ZNF407: variants seen among roughly 807,000 people sequenced by gnomAD.
ZNF407 encodes zinc finger protein 407.
In ZNF407, 17 loss-of-function variants were observed where a neutral mutation model predicts 131.2. The ratio of observed to expected loss-of-function variants is 0.13; its 90% CI spans 0.09 to 0.19. ZNF407 has a LOEUF of 0.19. Ranked by LOEUF, ZNF407 falls within the 10% of genes least tolerant of loss-of-function variation. The probability of loss-of-function intolerance (pLI) is 1.00; values close to 1 mark genes in which losing one functional copy is unlikely to be tolerated. For synonymous variants in ZNF407, 1,156 were observed against 1,062.0 expected (o/e 1.09, Z -1.72); for missense variants, 2,681 against 2,830.6 (o/e 0.95, Z 1.20).
chr18:74,734,637 T>A (rs994796513), intron 3 of ZNF407, among the ~76,000 whole-genome samples: 5 of 152,042 alleles, frequency 3.3e-5, no homozygotes, highest in African/African-American at 1.2e-4. Context: ...GTTTTCTGCC[T>A]ATTTTTTAAA....
intron 3 of ZNF407, among the ~76,000 whole-genome samples, chr18:74,651,140 C>T (rs1985208817): frequency 6.6e-6 from 1 of 152,064 alleles, no homozygotes; most frequent in East Asian, 1.9e-4. Context: ...AACCCTGTTA[C>T]TGTCATCCTT....
chr18:74,821,407 C>T (rs1369973324), intron 4 of ZNF407, among the ~76,000 whole-genome samples: 1 of 152,000 alleles, frequency 6.6e-6, no homozygotes, highest in Non-Finnish European at 1.5e-5. Context: ...TCTCCTAATG[C>T]TATCCCTCCC....
chr18:74,866,432 A>C (rs1971011254), intron 4 of ZNF407, among the ~76,000 whole-genome samples: 1 of 152,200 alleles, frequency 6.6e-6, no homozygotes, highest in Non-Finnish European at 1.5e-5. Context: ...ACAAAGTCCA[A>C]GACAATGAAA....
intron 4 of ZNF407, among the ~76,000 whole-genome samples, chr18:74,834,484 G>T (rs1294868406): frequency 6.6e-6 from 1 of 152,208 alleles, no homozygotes; most frequent in Non-Finnish European, 1.5e-5. Context: ...GAGCTTTGCT[G>T]TCTAGCCTTT....
intron 7 of ZNF407, among the ~76,000 whole-genome samples, chr18:74,899,461 C>T (rs1971494732): frequency 6.6e-6 from 1 of 152,032 alleles, no homozygotes; most frequent in Admixed American, 6.6e-5. Flanking sequence ...CCGTGCCAGT[C>T]AGGGAGGTCC....
chr18:74,856,809 C>T (rs1050923786), intron 4 of ZNF407, among the ~76,000 whole-genome samples: 1 of 152,170 alleles, frequency 6.6e-6, no homozygotes, highest in Admixed American at 6.6e-5. Context: ...TATATTAATA[C>T]AATTTTTCAT....
chr18:74,633,779 T>C lies in ZNF407; in HGVS notation c.2760T>C (p.Ile920=), dbSNP rs765644664. 3 of 1,613,832 alleles carry C rather than the reference T, an allele frequency of 1.9e-6. No individual in the cohort carries two copies. In the South Asian group the frequency reaches 3.3e-5, roughly 18 times the overall value. ...GTGGAAAACACAGTTCAGATATCAT[T>C]GTTGGCCCTGAAGGGGGTAGCCTTG... ...EASGKHSSDI[I]VGPEGGSLEA... Residue 920 remains isoleucine (I), a synonymous_variant, in exon 2 of 9, where the codon ATT becomes ATC. Coordinates refer to ENST00000299687, the MANE Select transcript of ZNF407 (RefSeq NM_017757.3).
At chr18:74,725,778 T>A in intron 3 of ZNF407, among the ~76,000 whole-genome samples, 1 of 152,176 alleles carries the variant, frequency 6.6e-6, no homozygotes, top group Admixed American at 6.5e-5. Flanking sequence ...GAGCAGGTGA[T>A]GTTATGTATC....
intron 3 of ZNF407, among the ~76,000 whole-genome samples, chr18:74,780,348 T>A (rs1969574443): frequency 6.6e-6 from 1 of 152,194 alleles, no homozygotes. Flanking sequence ...TCACAAGTCT[T>A]TTCTGCAAGG....
intron 7 of ZNF407, among the ~76,000 whole-genome samples, chr18:74,908,297 AT>A (rs1351284444): frequency 2.1e-4 from 32 of 152,040 alleles, no homozygotes; most frequent in Non-Finnish European, 4.4e-4. Flanking sequence ...TTATAAAAAT[AT>A]TTTTTCTATC....
intron 8 of ZNF407, among the ~76,000 whole-genome samples, chr18:75,017,704 G>A (rs1319959281): frequency 6.6e-6 from 1 of 152,184 alleles, no homozygotes. Context: ...TCCACCATGT[G>A]TTGTGGTCCA....
intron 3 of ZNF407, among the ~76,000 whole-genome samples, chr18:74,693,178 A>T (rs564904858): frequency 6.6e-6 from 1 of 152,240 alleles, no homozygotes; most frequent in South Asian, 2.1e-4. Context: ...TTCTTCTCCC[A>T]TTGGAAGACC....
chr18:74,803,883 GA>G, intron 4 of ZNF407: 5 of 1,474,786 alleles, frequency 3.4e-6, no homozygotes, highest in Non-Finnish European at 3.7e-6. Flanking sequence ...ATGACGGAGC[GA>G]AAAATGTTCA....
chr18:75,029,492 C>A lies in ZNF407; in HGVS notation c.5429-33658C>A, dbSNP rs189256731. ...TGTTTGTCAGGGCAGGATGGGTGTT[C>A]GTTCTCACTGCACAGTTTCCATGCC... On this transcript the variant is annotated intron_variant, in intron 8 of 8. Transcript: ENST00000299687. Among the ~76,000 whole-genome samples, 22 of 152,290 alleles carry A rather than the reference C, an allele frequency of 1.4e-4. No homozygotes were observed. In the East Asian group the frequency reaches 1.9e-3, roughly 13 times the overall value.
At chr18:75,024,702 G>C (rs1440001696) in intron 8 of ZNF407, among the ~76,000 whole-genome samples, 3 of 152,074 alleles carry the variant, frequency 2.0e-5, no homozygotes, top group Non-Finnish European at 4.4e-5. Flanking sequence ...GTTTAAAACT[G>C]ATTGAAGTAT....
At chr18:75,030,856 G>A (rs1481156071) in intron 8 of ZNF407, among the ~76,000 whole-genome samples, 8 of 152,254 alleles carry the variant, frequency 5.3e-5, no homozygotes, top group African/African-American at 1.7e-4. Flanking sequence ...CTCTACCCCC[G>A]TGTCGTGTTC....
intron 3 of ZNF407, among the ~76,000 whole-genome samples, chr18:74,740,811 C>T (rs1207203621): frequency 6.6e-6 from 1 of 152,180 alleles, no homozygotes; most frequent in Non-Finnish European, 1.5e-5. Flanking sequence ...TAAGTAGTTA[C>T]TAGACCAGGG....
At chr18:74,770,933 G>A (rs959827870) in intron 3 of ZNF407, among the ~76,000 whole-genome samples, 2 of 152,078 alleles carry the variant, frequency 1.3e-5, no homozygotes, top group African/African-American at 4.8e-5. Context: ...TCTAACTTTT[G>A]TCTCTTCATA....
At chr18:74,981,279 A>C (rs181799517) in intron 8 of ZNF407, among the ~76,000 whole-genome samples, 1 of 152,350 alleles carries the variant, frequency 6.6e-6, no homozygotes, top group Non-Finnish European at 1.5e-5. Flanking sequence ...TACATGCCAC[A>C]GGTGTCCGCA....
Sources: gnomAD v4.1 joint callset for allele counts (sites outside exome capture counted in the v4.1 genomes callset) on GRCh38, gnomAD v4.1.1 for gene constraint, MANE v1.5 for transcripts, NCBI Gene and HGNC (gene_info 2026-07-23, HGNC 2026-07-21) for gene names.